MAGI1: variants seen among roughly 807,000 people sequenced by gnomAD.
MAGI1 encodes the protein membrane-associated guanylate kinase, WW and PDZ domain-containing protein 1.
A neutral mutation model predicts 139.9 loss-of-function variants in MAGI1; 58 were observed. The observed-to-expected ratio is 0.41, with a 90% CI of 0.34 to 0.52. MAGI1 has a LOEUF of 0.52. Among genes scored for constraint, MAGI1 ranks in the 20% least tolerant of loss-of-function variants. The pLI, the probability that MAGI1 is intolerant of heterozygous loss-of-function variation, is 0.12. For synonymous variants in MAGI1, 812 were observed against 737.9 expected, an observed-to-expected ratio of 1.10 and a Z score of -1.63; for missense variants, 1,874 against 1,901.6, an observed-to-expected ratio of 0.99 and a Z score of 0.27.
At chr3:65,402,425 C>A (rs751708530) in intron 12 of MAGI1, among the ~76,000 whole-genome samples, 25 of 151,940 alleles carry the variant, frequency 1.6e-4, no homozygotes, top group Non-Finnish European at 2.6e-4. Context: ...GGGAAGGGTG[C>A]GAAAGACAGG....
intron 1 of MAGI1, among the ~76,000 whole-genome samples, chr3:65,703,668 T>C (rs2089770944): frequency 6.6e-6 from 1 of 152,132 alleles, no homozygotes; most frequent in Admixed American, 6.5e-5. Flanking sequence ...GCAGGCTAAT[T>C]TATAGTTTAG....
intron 1 of MAGI1, among the ~76,000 whole-genome samples, chr3:65,891,889 T>A (rs1325913868): frequency 4.5e-3 from 3 of 662 alleles, no homozygotes; most frequent in African/African-American, 0.014. Context: ...AAGTATAATA[T>A]ATATATATAT....
intron 1 of MAGI1, among the ~76,000 whole-genome samples, chr3:65,979,106 C>T (rs1204635291): frequency 7.4e-6 from 1 of 134,350 alleles, no homozygotes; most frequent in Non-Finnish European, 1.6e-5. Flanking sequence ...CCCGCCACCC[C>T]CCACAGCTAC....
intron 2 of MAGI1, among the ~76,000 whole-genome samples, chr3:65,584,790 C>T (rs553432702): frequency 1.3e-5 from 2 of 152,126 alleles, no homozygotes; most frequent in Non-Finnish European, 2.9e-5. Context: ...ATATTCTTGC[C>T]AAGTCAAGTA....
At chr3:65,772,190 C>A (rs138775911) in intron 1 of MAGI1, among the ~76,000 whole-genome samples, 1 of 152,092 alleles carries the variant, frequency 6.6e-6, no homozygotes, top group African/African-American at 2.4e-5. Context: ...AGCAAGACTC[C>A]GTCTCAAGAA....
intron 6 of MAGI1, among the ~76,000 whole-genome samples, chr3:65,449,856 CATG>C (rs1329725784): frequency 6.6e-6 from 1 of 152,026 alleles, no homozygotes; most frequent in East Asian, 1.9e-4. Context: ...AAATTAAAAC[CATG>C]ATAAGTTCTC....
At position 66,038,195 on chromosome 3, in the gene MAGI1, G is replaced by T. The variant is rs947857873; in HGVS notation, c.114C>A (p.His38Gln). The T allele has an allele frequency of 6.2e-7, 1 of 1,612,232 alleles. No homozygotes were observed. Residue 38 changes from histidine (H) to glutamine (Q), a missense_variant, in exon 1 of 23, where the codon CAC becomes CAA. Physicochemically the swap from His to Gln is conservative, Grantham distance 24. Around this residue, in one of 5 missense-constraint regions of MAGI1, gnomAD observed 648 missense variants for 598.1 expected, o/e 1.08. Transcript: ENST00000402939. ...CCGCTCCGACGTACGGAAACTCCCCGTGCTCCGCGCCTCCCAGCACCGTCA... is the reference window on the plus strand; with the variant it reads ...CCGCTCCGACGTACGGAAACTCCCCTTGCTCCGCGCCTCCCAGCACCGTCA... ...LGVTVLGGAE[H>Q]GEFPYVGAVA...
At position 65,470,332 on chromosome 3, in the gene MAGI1, C is replaced by T; in HGVS notation, c.910G>A (p.Glu304Lys). 6.2e-7 allele frequency: 1 copy of T among 1,613,644 alleles called. No homozygotes were observed. The highest frequency in any genetic ancestry group is 8.5e-7 in the Non-Finnish European group (1 of 1,179,722). The change falls in exon 5 of 23, where the codon GAA (glutamate) becomes AAA (lysine). Residue 304 changes from glutamate (E) to lysine (K), a missense_variant. Glu to Lys is a moderately conservative substitution (Grantham distance 56). Coordinates refer to ENST00000402939, the MANE Select transcript of MAGI1 (RefSeq NM_001033057.2). ...SAEDNLGPLP[E>K]NWEMAYTENG... ...TCAGTATAGGCCATCTCCCAGTTTT[C>T]AGGTAGAGGACCTAAATTATCCTCT...
Position 65,354,935 on chromosome 3 carries a change from C to T in MAGI1, c.*1443G>A, listed in dbSNP as rs1398926686. 3 of 147,516 alleles carry T rather than the reference C, an allele frequency of 2.0e-5. No homozygotes were observed. Among genetic ancestry groups the T allele is most frequent in the African/African-American group, 5.1e-5 (2 of 39,590 alleles). 9.1% of individuals were successfully genotyped at this position (147,516 alleles called of 1,614,324 possible). A position where few individuals can be genotyped will look rare whatever the true frequency, so the allele number is the denominator to read the frequency against. Reference sequence around the variant, plus strand: ...TTTTCTTACAGTACCATGGGAACAACAGTGATTGACTTGCAAAGTTTTCTG... The same window carrying T: ...TTTTCTTACAGTACCATGGGAACAATAGTGATTGACTTGCAAAGTTTTCTG... On this transcript the variant is annotated 3_prime_UTR_variant, in exon 23 of 23. Coordinates refer to ENST00000402939, the MANE Select transcript of MAGI1 (RefSeq NM_001033057.2).
At chr3:65,379,662 G>C (rs1942879073) in intron 16 of MAGI1, 108 bp from the exon 17 acceptor site, 24 of 1,511,666 alleles carry the variant, frequency 1.6e-5, no homozygotes, top group Non-Finnish European at 2.1e-5. Flanking sequence ...CGTGAACCGA[G>C]GGGAGGAGAC....
chr3:65,930,064 C>A (rs1297083669), intron 1 of MAGI1, among the ~76,000 whole-genome samples: 1 of 151,934 alleles, frequency 6.6e-6, no homozygotes, highest in East Asian at 2.0e-4. Context: ...CACCTGTAAT[C>A]CCAGCACTTT....
At position 65,616,022 on chromosome 3, in the gene MAGI1, A is replaced by G. The variant is rs747989214; in HGVS notation, c.430+5950T>C. On this transcript the variant is annotated intron_variant, in intron 2 of 22. Coordinates refer to ENST00000402939, the MANE Select transcript of MAGI1 (RefSeq NM_001033057.2). ...AAAGCCTAAGAATTCGTTGCTAGCC[A>G]TGAAAGTCCTCTGTTGGAACATCCT... 3.9e-4 allele frequency among the ~76,000 whole-genome samples: 60 copies of G among 152,328 alleles called. 2 individuals carry two copies. Among genetic ancestry groups the G allele is most frequent in the Admixed American group, 3.3e-4 (5 of 15,300 alleles).
chr3:65,807,960 T>C (rs2040975047), intron 1 of MAGI1, among the ~76,000 whole-genome samples: 1 of 151,640 alleles, frequency 6.6e-6, no homozygotes, highest in South Asian at 2.1e-4. Context: ...CTCACGCCTG[T>C]AATCCAGCAC....
At chr3:65,869,834 T>A (rs1457905827) in intron 1 of MAGI1, among the ~76,000 whole-genome samples, 2 of 152,156 alleles carry the variant, frequency 1.3e-5, no homozygotes, top group East Asian at 1.9e-4. Flanking sequence ...ATTCCTCACC[T>A]GCAATTAAGC....
At chr3:65,872,367 C>G in intron 1 of MAGI1, among the ~76,000 whole-genome samples, 1 of 152,198 alleles carries the variant, frequency 6.6e-6, no homozygotes, top group East Asian at 1.9e-4. Flanking sequence ...TCCAACTCTT[C>G]CTCTCCACTG....
At chr3:66,027,333 T>C (rs1000372808) in intron 1 of MAGI1, among the ~76,000 whole-genome samples, 1 of 151,828 alleles carries the variant, frequency 6.6e-6, no homozygotes, top group African/African-American at 2.4e-5. Context: ...AGAGAGGGTC[T>C]TTCTCTGTCA....
chr3:65,675,247 T>G (rs937798933), intron 1 of MAGI1, among the ~76,000 whole-genome samples: 15 of 152,154 alleles, frequency 9.9e-5, no homozygotes, highest in African/African-American at 3.1e-4. Flanking sequence ...GTTCGGAGTT[T>G]CAAGTATAAT....
At chr3:65,788,099 T>C (rs2039517817) in intron 1 of MAGI1, among the ~76,000 whole-genome samples, 1 of 152,166 alleles carries the variant, frequency 6.6e-6, no homozygotes, top group Non-Finnish European at 1.5e-5. Context: ...CAGAAGTAAT[T>C]AACATAAATT....
chr3:65,904,291 C>T (rs2061351312), intron 1 of MAGI1, among the ~76,000 whole-genome samples: 1 of 152,196 alleles, frequency 6.6e-6, no homozygotes, highest in Non-Finnish European at 1.5e-5. Context: ...GCCTGCTTGA[C>T]TCTCAGGATT....
Sources: gnomAD v4.1 joint callset for allele counts (sites outside exome capture counted in the v4.1 genomes callset) on GRCh38, gnomAD v4.1.1 for gene constraint, gnomAD v4.1.1 regional missense constraint, MANE v1.5 for transcripts, NCBI Gene and HGNC (gene_info 2026-07-23, HGNC 2026-07-21) for gene names.